Variants in MARCHF1 observed in about 807,000 individuals in gnomAD.
The protein encoded by MARCHF1 is E3 ubiquitin-protein ligase MARCHF1.
Under a neutral mutation model 54.2 loss-of-function variants are expected in MARCHF1, and 40 were observed. That is an observed-to-expected ratio of 0.74 (90% confidence interval 0.57 to 0.96). The LOEUF (loss-of-function observed/expected upper bound fraction) is 0.96. Ranked by LOEUF, MARCHF1 falls within the 40% of genes least tolerant of loss-of-function variation. The pLI is 0.00. For synonymous variants in MARCHF1, 236 were observed against 236.3 expected (o/e 1.00, Z 0.01); for missense variants, 586 against 656.5 (o/e 0.89, Z 1.17).
intron 1 of MARCHF1, among the ~76,000 whole-genome samples, chr4:164,285,075 A>G (rs965050446): frequency 3.9e-5 from 6 of 152,220 alleles, no homozygotes; most frequent in African/African-American, 1.4e-4. Context: ...AATATTTTAT[A>G]ATAAGAAACT....
At chr4:164,262,868 T>C (rs1192358259) in intron 1 of MARCHF1, among the ~76,000 whole-genome samples, 2 of 152,168 alleles carry the variant, frequency 1.3e-5, no homozygotes, top group African/African-American at 2.4e-5. Context: ...TTATGAGTGA[T>C]TGAAGTTTAG....
At chr4:164,066,691 A>G (rs1187022957) in intron 2 of MARCHF1, among the ~76,000 whole-genome samples, 1 of 152,108 alleles carries the variant, frequency 6.6e-6, no homozygotes. Context: ...GCAGCCATAG[A>G]AAAAAAATGA....
At chr4:163,639,610 A>G (rs1579145374) in intron 5 of MARCHF1, among the ~76,000 whole-genome samples, 1 of 152,184 alleles carries the variant, frequency 6.6e-6, no homozygotes, top group African/African-American at 2.4e-5. Context: ...TGTTCTGTTC[A>G]TTATAAATTA....
chr4:164,056,416 C>A (rs569577811), intron 2 of MARCHF1, among the ~76,000 whole-genome samples: 1 of 152,300 alleles, frequency 6.6e-6, no homozygotes, highest in African/African-American at 2.4e-5. Context: ...GCATTTGAGA[C>A]AAAGTTTCCA....
intron 5 of MARCHF1, among the ~76,000 whole-genome samples, chr4:163,690,792 G>T (rs998117): frequency 0.46 from 70,323 of 152,008 alleles, 16,743 homozygotes; most frequent in Non-Finnish European, 0.51. Flanking sequence ...ACAGATTGCT[G>T]GACTTGCTAG....
intron 3 of MARCHF1, among the ~76,000 whole-genome samples, chr4:163,972,897 T>G (rs974057284): frequency 6.6e-6 from 1 of 152,278 alleles, no homozygotes; most frequent in South Asian, 2.1e-4. Context: ...TATAGAAATC[T>G]AAGGGGCTCA....
rs901076189 is a variant in MARCHF1 at position 163,795,509 on chromosome 4, C to T, written c.111+58512G>A. On this transcript the variant is annotated intron_variant, in intron 4 of 9. Coordinates refer to ENST00000514618, the MANE Select transcript of MARCHF1 (RefSeq NM_001394959.1). ...CCTCCCAATGTGCTGGGATTACAGG[C>T]GTAAGCCACCATGCCCAGCATCTTA... 2.6e-5 allele frequency among the ~76,000 whole-genome samples: 4 copies of T among 152,216 alleles called. No individual in the cohort carries two copies. The South Asian group carries it at 6.2e-4, about 24-fold the overall frequency.
chr4:163,585,472 A>T (rs1480539646), intron 8 of MARCHF1: 3 of 220,306 alleles, frequency 1.4e-5, no homozygotes, highest in Non-Finnish European at 2.7e-5. Context: ...ATGCATATAC[A>T]TATATATGTT....
intron 4 of MARCHF1, among the ~76,000 whole-genome samples, chr4:163,829,891 T>C (rs185844358): frequency 6.6e-6 from 1 of 152,318 alleles, no homozygotes; most frequent in Admixed American, 6.5e-5. Context: ...GACAGGTTAA[T>C]AACTTGGCCT....
chr4:164,041,783 T>G (rs1051636535), intron 2 of MARCHF1, among the ~76,000 whole-genome samples: 8 of 152,168 alleles, frequency 5.3e-5, no homozygotes, highest in African/African-American at 1.9e-4. Context: ...CTCCTTATGA[T>G]TCTGATGTAG....
chr4:163,955,042 T>C (rs1752204312), intron 3 of MARCHF1, among the ~76,000 whole-genome samples: 4 of 151,920 alleles, frequency 2.6e-5, no homozygotes, highest in Admixed American at 2.6e-4. Flanking sequence ...TGTGATTCCA[T>C]CCATGCCCAT....
intron 2 of MARCHF1, among the ~76,000 whole-genome samples, chr4:164,107,107 T>C (rs1422696866): frequency 1.4e-4 from 21 of 152,158 alleles, no homozygotes; most frequent in Admixed American, 1.3e-3. Context: ...GTATAATAAA[T>C]ACAAAGCTAT....
chr4:163,625,285 C>T (rs949016569), intron 5 of MARCHF1, among the ~76,000 whole-genome samples: 1 of 152,164 alleles, frequency 6.6e-6, no homozygotes, highest in Non-Finnish European at 1.5e-5. Context: ...TAATCTTGCT[C>T]TAGCATTTAT....
intron 2 of MARCHF1, among the ~76,000 whole-genome samples, chr4:164,074,810 C>T (rs536482544): frequency 9.5e-4 from 144 of 151,600 alleles, no homozygotes; most frequent in African/African-American, 3.2e-3. Context: ...AGGTTTTCTT[C>T]ATTTTGTAAA....
At chr4:164,273,730 C>A (rs1733800028) in intron 1 of MARCHF1, among the ~76,000 whole-genome samples, 1 of 152,164 alleles carries the variant, frequency 6.6e-6, no homozygotes, top group Non-Finnish European at 1.5e-5. Flanking sequence ...ATATCCTCAG[C>A]AACATAGATG....
intron 3 of MARCHF1, among the ~76,000 whole-genome samples, chr4:163,899,970 T>C (rs189325446): frequency 6.6e-6 from 1 of 152,178 alleles, no homozygotes; most frequent in African/African-American, 2.4e-5. Context: ...TTTCCTAATA[T>C]CAACATAGCT....
intron 2 of MARCHF1, among the ~76,000 whole-genome samples, chr4:164,106,273 C>G (rs1297581727): frequency 8.6e-6 from 1 of 115,876 alleles, no homozygotes; most frequent in Non-Finnish European, 1.7e-5. Context: ...TGGGTATATA[C>G]CCAAAGGACT....
chr4:163,618,637 C>T (rs1385040277), intron 5 of MARCHF1, among the ~76,000 whole-genome samples: 1 of 152,172 alleles, frequency 6.6e-6, no homozygotes, highest in Non-Finnish European at 1.5e-5. Flanking sequence ...ATTTAGTTAA[C>T]CAGCTGCCTC....
chr4:164,132,834 T>A (rs958376979), intron 1 of MARCHF1, among the ~76,000 whole-genome samples: 1 of 152,126 alleles, frequency 6.6e-6, no homozygotes, highest in African/African-American at 2.4e-5. Flanking sequence ...TGTATGTATA[T>A]TTATTTATAA....
Sources: allele counts gnomAD v4.1 joint callset (sites outside exome capture counted in the v4.1 genomes callset), GRCh38; gene constraint gnomAD v4.1.1; transcripts MANE v1.5; gene names NCBI Gene and HGNC (gene_info 2026-07-23, HGNC 2026-07-21).